Variants in KIFC2 observed in about 807,000 individuals in gnomAD.
The protein encoded by KIFC2 is kinesin-like protein KIFC2.
KIFC2 carries 94 observed loss-of-function variants against 91.5 expected under a neutral mutation model. The observed-to-expected ratio is 1.03, with a 90% CI of 0.87 to 1.22. The LOEUF (loss-of-function observed/expected upper bound fraction) is 1.22, where lower values mean the gene tolerates loss of function less well. Ranked by LOEUF, KIFC2 falls within the 50% of genes most tolerant of loss-of-function variation. KIFC2 has a pLI of 0.00. For missense variants in KIFC2, 1,357 were observed against 1,103.3 expected, an observed-to-expected ratio of 1.23 and a Z score of -3.26; for synonymous variants, 729 against 503.9, an observed-to-expected ratio of 1.45 and a Z score of -5.98.
At position 144,472,997 on chromosome 8, in the gene KIFC2, G is replaced by T; in HGVS notation, c.2064G>T (p.Thr688=). 2 of 1,437,200 alleles carry T rather than the reference G, an allele frequency of 1.4e-6. No homozygotes were observed. Among genetic ancestry groups the T allele is most frequent in the Non-Finnish European group, 1.8e-6 (2 of 1,103,154 alleles). 89.0% of individuals were successfully genotyped at this position (1,437,200 alleles called of 1,614,324 possible). The stretch of plus-strand genomic sequence containing the variant: ...TGCCCTTCCGCGACTCGCAGCTCAC[G>T]CGACTGCTGCAGCCGGCGCTGGGCC... ...PHVPFRDSQL[T]RLLQPALGPG... is the part of the protein sequence containing the mutation. Residue 688 remains threonine, a synonymous_variant, in exon 17 of 18, where the codon ACG becomes ACT. Transcript: ENST00000645548.
chr8:144,473,065 C>G lies in KIFC2; in HGVS notation c.2118+14C>G. Reference sequence around the variant, plus strand: ...CTGCTGCTGCAGGTGGGCGCCGGGGCGGGGCAGGTGTGTGCGTGCCGGTCG... The same window carrying G: ...CTGCTGCTGCAGGTGGGCGCCGGGGGGGGGCAGGTGTGTGCGTGCCGGTCG... On this transcript the variant is annotated intron_variant, in intron 17 of 17. Coordinates refer to ENST00000645548, the MANE Select transcript of KIFC2 (RefSeq NM_001369769.2). 1 of 1,437,250 alleles carries G rather than the reference C, an allele frequency of 7.0e-7. No homozygotes were observed. Among genetic ancestry groups the G allele is most frequent in the East Asian group, 2.9e-5 (1 of 34,346 alleles). The allele number at this position is 1,437,250 out of a possible 1,614,324, so 89.0% of individuals were successfully genotyped here.
chr8:144,472,498 G>C lies in KIFC2; in HGVS notation c.1731+14G>C. 2 of 1,611,078 alleles carry C rather than the reference G, an allele frequency of 1.2e-6. No homozygotes were observed. Among genetic ancestry groups the C allele is most frequent in the Non-Finnish European group, 1.7e-6 (2 of 1,179,002 alleles). ...ACATTGCACCAGGTAGGGCTGCACCGCTCTCCGAGACCCCGCCCCGTGCTT... is the reference window on the plus strand; with the variant it reads ...ACATTGCACCAGGTAGGGCTGCACCCCTCTCCGAGACCCCGCCCCGTGCTT... On this transcript the variant is annotated intron_variant, in intron 15 of 17. Coordinates refer to ENST00000645548, the MANE Select transcript of KIFC2 (RefSeq NM_001369769.2).
At chr8:144,471,840 G>A (rs1824937385) in intron 12 of KIFC2, 102 bp from the exon 13 acceptor site, 2 of 979,666 alleles carry the variant, frequency 2.0e-6, no homozygotes, top group Non-Finnish European at 3.2e-6. Flanking sequence ...AGGAGACTAG[G>A]CTCTGCTCAC....
At chr8:144,473,101 G>A (rs959967607) in intron 17 of KIFC2, 31 bp from the exon 18 acceptor site, 2 of 1,184,102 alleles carry the variant, frequency 1.7e-6, no homozygotes, top group South Asian at 2.6e-5. Flanking sequence ...CCGCCCACCC[G>A]GGCCCGCCCA....
intron 7 of KIFC2, 116 bp downstream of exon 7, chr8:144,468,103 C>T: frequency 1.5e-6 from 2 of 1,336,986 alleles, no homozygotes; most frequent in South Asian, 1.5e-5. Context: ...TGTAGGGCAG[C>T]CCCATCAGGG....
rs1454933893 is a variant in KIFC2 at position 144,466,425 on chromosome 8, C to A, written c.6C>A (p.Tyr2Ter). Residue 2 changes from tyrosine to a stop codon, truncating the protein, a stop_gained, in exon 1 of 18, where the codon TAC becomes TAA. Transcript: ENST00000645548. LOFTEE classifies it high-confidence loss of function. Reference sequence around the variant, plus strand: ...CTCTGCCGCCCCGCGCTCCCATGTACGCCTTTTACTCGTTGCTCATCTACA... The same window carrying A: ...CTCTGCCGCCCCGCGCTCCCATGTAAGCCTTTTACTCGTTGCTCATCTACA... M[Y>*]AFYSLLIYIF... 7.5e-7 allele frequency: 1 copy of A among 1,334,590 alleles called. No individual in the cohort carries two copies. The allele number at this position is 1,334,590 out of a possible 1,614,324, so 82.7% of individuals were successfully genotyped here.
rs1254011939 is a variant in KIFC2 at position 144,466,744 on chromosome 8, C to T, written c.100-16C>T. On this transcript the variant is annotated splice_polypyrimidine_tract_variant and intron_variant, in intron 1 of 17. Coordinates refer to ENST00000645548, the MANE Select transcript of KIFC2 (RefSeq NM_001369769.2). ...GCCTGCCCCCCTCCTCAGGGGCGCC[C>T]CTGCCCCCTCCCTAGAGAGCCCGCA... The T allele has an allele frequency of 1.3e-6, 2 of 1,520,300 alleles. No homozygotes were observed. The highest frequency in any genetic ancestry group is 1.8e-6 in the Non-Finnish European group (2 of 1,139,930). 94.2% of individuals were successfully genotyped at this position (1,520,300 alleles called of 1,614,324 possible). A position where few individuals can be genotyped will look rare whatever the true frequency, so the allele number is the denominator to read the frequency against.
In KIFC2 at chr8:144,466,393, CG is replaced by C. The variant is rs768724672; in HGVS notation, c.-23del. 9.4e-7 allele frequency: 1 copy of C among 1,061,862 alleles called. No individual in the cohort carries two copies. Among genetic ancestry groups the C allele is most frequent in the South Asian group, 2.5e-5 (1 of 40,276 alleles). 65.8% of individuals were successfully genotyped at this position (1,061,862 alleles called of 1,614,324 possible). A position where few individuals can be genotyped will look rare whatever the true frequency, so the allele number is the denominator to read the frequency against. Reference sequence around the variant, plus strand: ...CGCGGGGACGCGGGGCGGCGCGAAGCGGGGCCCTCTGCCGCCCCGCGCTCCC... The same window carrying C: ...CGCGGGGACGCGGGGCGGCGCGAAGCGGGCCCTCTGCCGCCCCGCGCTCCC... On this transcript the variant is annotated 5_prime_UTR_variant, in exon 1 of 18. Coordinates refer to ENST00000645548, the MANE Select transcript of KIFC2 (RefSeq NM_001369769.2).
chr8:144,468,783 C>G lies in KIFC2; in HGVS notation c.1062C>G (p.Val354=). The stretch of plus-strand genomic sequence containing the variant: ...GCTGCGGGGACCTCCGAGGTTTGGT[C>G]AGCACCTTTACCCAGAGCTGTCAGG... ...RQGCGDLRGL[V]STFTQSCQGS... The change falls in exon 10 of 18, where the codon GTC becomes GTG. Residue 354 remains valine (V), a synonymous_variant. Transcript: ENST00000645548. 1 of 1,614,060 alleles carries G rather than the reference C, an allele frequency of 6.2e-7. No individual in the cohort carries two copies. Among genetic ancestry groups the G allele is most frequent in the Non-Finnish European group, 8.5e-7 (1 of 1,180,032 alleles).
At chr8:144,468,135 C>T (rs765892006) in intron 7 of KIFC2, 148 bp downstream of exon 7, 12 of 1,145,972 alleles carry the variant, frequency 1.0e-5, no homozygotes, top group Middle Eastern at 2.8e-4. Flanking sequence ...AATGGGAAGA[C>T]CCCCCTCTCC....
chr8:144,467,761 T>C lies in KIFC2; in HGVS notation c.663T>C (p.Gly221=), dbSNP rs775668967. The C allele has an allele frequency of 3.7e-6, 6 of 1,613,634 alleles. No individual in the cohort carries two copies. The South Asian group carries it at 6.6e-5, about 18-fold the overall frequency. The change falls in exon 6 of 18, where the codon GGT becomes GGC. Residue 221 remains glycine, a synonymous_variant. Transcript: ENST00000645548. ...QQLEQQEEEL[G]RLRLGVGATD... is the part of the protein sequence containing the mutation. The stretch of plus-strand genomic sequence containing the variant: ...TGGAACAGCAGGAGGAGGAGTTGGG[T>C]CGACTGCGCCTGGGCGTGGTGAGGC...
chr8:144,469,607 G>T lies in KIFC2; in HGVS notation c.1340G>T (p.Arg447Leu), dbSNP rs184801242. Residue 447 changes from arginine (R) to leucine (L), a missense_variant, in exon 12 of 18, where the codon CGC becomes CTC. Coordinates refer to ENST00000645548, the MANE Select transcript of KIFC2 (RefSeq NM_001369769.2). ...TACCGGGGGCGCCATCGTCGATTCC[G>T]CCTAGACTGGGTCTTCCCTCCAGAC... ...TCYRGRHRRF[R>L]LDWVFPPDAS... is the part of the protein sequence containing the mutation. 6.2e-7 allele frequency: 1 copy of T among 1,610,506 alleles called. No homozygotes were observed. The highest frequency in any genetic ancestry group is 1.1e-5 in the South Asian group (1 of 90,746).
Position 144,466,464 on chromosome 8 carries a change from C to T in KIFC2, c.45C>T (p.Leu15=), listed in dbSNP as rs768844573. Residue 15 remains leucine, a synonymous_variant, in exon 1 of 18, where the codon CTC becomes CTT. Coordinates refer to ENST00000645548, the MANE Select transcript of KIFC2 (RefSeq NM_001369769.2). ...TGCTCATCTACATCTTCTACAGCCT[C>T]TTCCGCAGGGATGGTGGCGCCGCGG... ...YSLLIYIFYS[L]FRRDGGAAAA... The T allele has an allele frequency of 1.2e-5, 16 of 1,359,052 alleles. No homozygotes were observed. The highest frequency in any genetic ancestry group is 1.0e-4 in the East Asian group (3 of 29,870). The allele number at this position is 1,359,052 out of a possible 1,614,324, so 84.2% of individuals were successfully genotyped here.
chr8:144,468,277 G>C, intron 7 of KIFC2, 52 bp from the exon 8 acceptor site: 1 of 1,488,266 alleles, frequency 6.7e-7, no homozygotes, highest in Non-Finnish European at 9.2e-7. Flanking sequence ...CTGTGAAATG[G>C]TACCACAGAC....
At chr8:144,472,315 GATTTCCAGAGAATTCTGGA>G (rs756130233) in intron 14 of KIFC2, 27 bp from the exon 15 acceptor site, 1 of 1,613,444 alleles carries the variant, frequency 6.2e-7, no homozygotes, top group South Asian at 1.1e-5. Context: ...GGCCCTTCCG[GATTTCCAGAGAATTCTGGA>G]ACCAAGACCT....
At position 144,466,511 on chromosome 8, in the gene KIFC2, C is replaced by T; in HGVS notation, c.92C>T (p.Pro31Leu). 7.8e-7 allele frequency: 1 copy of T among 1,289,520 alleles called. No homozygotes were observed. Among genetic ancestry groups the T allele is most frequent in the Non-Finnish European group, 9.9e-7 (1 of 1,011,222 alleles). The allele number at this position is 1,289,520 out of a possible 1,614,324, so 79.9% of individuals were successfully genotyped here. The change falls in exon 1 of 18, where the codon CCC becomes CTC. Residue 31 changes from proline to leucine, a missense_variant. Pro to Leu is a moderately conservative substitution (Grantham distance 98). Coordinates refer to ENST00000645548, the MANE Select transcript of KIFC2 (RefSeq NM_001369769.2). ...GAAAAAEPGD[P>L]AQRARKPRGR... ...GCGGCGGCCGCGGAGCCCGGGGACC[C>T]CGCCCAGGTGAGCGGGGCTGGCCGT... is the stretch of plus-strand genomic sequence containing the variant.
At chr8:144,466,727 C>T (rs2306388) in intron 1 of KIFC2, 33 bp from the exon 2 acceptor site, 1,461,120 of 1,484,166 alleles carry the variant, frequency 0.98, 720,876 homozygotes, top group Non-Finnish European at 1. Flanking sequence ...CTGCCTGCCC[C>T]CCTCCTCAGG....
At chr8:144,468,180 G>A in intron 7 of KIFC2, 149 bp from the exon 8 acceptor site, 2 of 1,023,148 alleles carry the variant, frequency 2.0e-6, no homozygotes, top group Non-Finnish European at 2.8e-6. Flanking sequence ...CAGGAGAGCA[G>A]AGGGACTGTG....
chr8:144,467,390 C>T (rs781781111), intron 4 of KIFC2, 49 bp downstream of exon 4: 3 of 1,550,118 alleles, frequency 1.9e-6, no homozygotes, highest in Non-Finnish European at 1.7e-6. Context: ...GGAGCAAATC[C>T]CGGTAGAACC....
Sources: allele counts gnomAD v4.1 joint callset, GRCh38; gene constraint gnomAD v4.1.1; transcripts MANE v1.5; gene names NCBI Gene and HGNC (gene_info 2026-07-23, HGNC 2026-07-21).